Variants in DENND1B observed in about 807,000 individuals in gnomAD.
The protein encoded by DENND1B is DENN domain-containing protein 1B.
A neutral mutation model predicts 90.1 loss-of-function variants in DENND1B; 59 were observed. The ratio of observed to expected loss-of-function variants is 0.65; its 90% confidence interval spans 0.53 to 0.81. The LOEUF (loss-of-function observed/expected upper bound fraction) is 0.81. Ranked by LOEUF, DENND1B falls within the 40% of genes least tolerant of loss-of-function variation. DENND1B has a pLI of 0.00. For missense variants in DENND1B, 862 were observed against 912.6 expected, an observed-to-expected ratio of 0.94 and a Z score of 0.71; for synonymous variants, 337 against 324.6, an observed-to-expected ratio of 1.04 and a Z score of -0.41.
chr1:197,721,683 T>C (rs1008231727), intron 2 of DENND1B, among the ~76,000 whole-genome samples: 2 of 152,028 alleles, frequency 1.3e-5, no homozygotes. Flanking sequence ...AATTTATATT[T>C]TCCTTTATTA....
At chr1:197,572,972 G>A (rs1174141396) in intron 15 of DENND1B, among the ~76,000 whole-genome samples, 2 of 152,160 alleles carry the variant, frequency 1.3e-5, no homozygotes, top group Non-Finnish European at 2.9e-5. Context: ...ATTTCTGTGG[G>A]ATCGGTGGTG....
At chr1:197,552,517 T>C (rs1191484903) in intron 16 of DENND1B, 32 of 985,404 alleles carry the variant, frequency 3.2e-5, no homozygotes, top group Non-Finnish European at 3.7e-5. Flanking sequence ...CTGGAAACTT[T>C]CTTAATGCTG....
rs1429830003 is a variant in DENND1B, at chr1:197,642,742, C to T, written c.641G>A (p.Arg214His). The T allele has an allele frequency of 5.6e-6, 9 of 1,613,266 alleles. No individual in the cohort carries two copies. The highest frequency in any genetic ancestry group is 1.7e-5 in the Admixed American group (1 of 59,948). Residue 214 changes from arginine (R) to histidine (H), a missense_variant, in exon 10 of 23, where the codon CGC (arginine) becomes CAC (histidine). By Grantham distance (29) the Arg-to-His change is conservative (BLOSUM62 0). Transcript: ENST00000620048. ...QLYASMLHER[R>H]IVIISSKLST... ...TAATTTGCTCGAGATAATCACGATG[C>T]GCCTTTCATGCAGCATACTGGCATA...
At chr1:197,776,951 T>C (rs1303131273), upstream of DENND1B, among the ~76,000 whole-genome samples, 1 of 152,192 alleles carries the variant, frequency 6.6e-6, no homozygotes, top group Admixed American at 6.5e-5. Context: ...AGTGTGATGT[T>C]CAAGTAAAAC....
rs1667728014 is a variant in DENND1B at position 197,506,256 on chromosome 1, T to C, written c.*4204A>G. On this transcript the variant is annotated 3_prime_UTR_variant, in exon 23 of 23. Coordinates refer to ENST00000620048, the MANE Select transcript of DENND1B (RefSeq NM_001195215.2). Reference sequence around the variant, plus strand: ...CTGTCTAAATGTATATAATTCCTTATTTCTTCATCAAATCACGTTAACTGA... The same window carrying C: ...CTGTCTAAATGTATATAATTCCTTACTTCTTCATCAAATCACGTTAACTGA... 6.6e-6 allele frequency: 1 copy of C among 151,600 alleles called. No homozygotes were observed. The highest frequency in any genetic ancestry group is 2.4e-5 in the African/African-American group (1 of 41,388). The allele number at this position is 151,600 out of a possible 1,614,324, so 9.4% of individuals were successfully genotyped here.
intron 15 of DENND1B, among the ~76,000 whole-genome samples, chr1:197,576,624 T>C (rs1673710637): frequency 6.6e-6 from 1 of 152,200 alleles, no homozygotes; most frequent in African/African-American, 2.4e-5. Context: ...GTATAAATGT[T>C]TTGGAAAAAT....
intron 15 of DENND1B, among the ~76,000 whole-genome samples, chr1:197,566,846 A>G (rs1558249409): frequency 6.6e-6 from 1 of 152,078 alleles, no homozygotes; most frequent in African/African-American, 2.4e-5. Flanking sequence ...GGTCTTAAAG[A>G]AAGAATAGAC....
intron 20 of DENND1B, among the ~76,000 whole-genome samples, chr1:197,538,644 T>G (rs558257595): frequency 1.3e-5 from 2 of 150,334 alleles, no homozygotes; most frequent in African/African-American, 4.9e-5. Flanking sequence ...GATGAATGAC[T>G]GAATTAATGG....
At chr1:197,585,813 C>T (rs72742683) in intron 14 of DENND1B, among the ~76,000 whole-genome samples, 5,602 of 152,198 alleles carry the variant, frequency 0.037, 202 homozygotes, top group Admixed American at 0.11. Flanking sequence ...TCACTGGAAG[C>T]CTCAATTACT....
rs113997174 is a variant in DENND1B at position 197,744,016 on chromosome 1, A to C, written c.82+28852T>G. ...CATCAAAGTTTTATCATAAGATAGCAGCAATTCAGTCACATATTAAGGATT... is the reference window on the plus strand; with the variant it reads ...CATCAAAGTTTTATCATAAGATAGCCGCAATTCAGTCACATATTAAGGATT... On this transcript the variant is annotated intron_variant, in intron 2 of 22. Coordinates refer to ENST00000620048, the MANE Select transcript of DENND1B (RefSeq NM_001195215.2). Among the ~76,000 whole-genome samples, 1,378 of 152,322 alleles carry C rather than the reference A, an allele frequency of 9.0e-3. 19 individuals carry two copies. The highest frequency in any genetic ancestry group is 0.031 in the African/African-American group (1,273 of 41,570).
intron 5 of DENND1B, among the ~76,000 whole-genome samples, chr1:197,670,073 G>A (rs1313451211): frequency 6.6e-6 from 1 of 150,436 alleles, no homozygotes; most frequent in Admixed American, 6.7e-5. Context: ...TTGGGTTGTC[G>A]ATATGGACAT....
At chr1:197,644,786 T>C (rs16841843) in intron 9 of DENND1B, among the ~76,000 whole-genome samples, 5,159 of 152,268 alleles carry the variant, frequency 0.034, 303 homozygotes, top group African/African-American at 0.11. Flanking sequence ...CTTCACTACC[T>C]ACATGCTTTT....
At chr1:197,560,524 A>T (rs994917523) in intron 15 of DENND1B, among the ~76,000 whole-genome samples, 5 of 151,850 alleles carry the variant, frequency 3.3e-5, no homozygotes, top group Non-Finnish European at 7.4e-5. Context: ...TCTCATGAAG[A>T]CAGCATTTAA....
At chr1:197,757,727 T>C (rs543859201) in intron 2 of DENND1B, among the ~76,000 whole-genome samples, 2 of 152,320 alleles carry the variant, frequency 1.3e-5, no homozygotes, top group East Asian at 1.9e-4. Context: ...AAGAAAGTTA[T>C]ACAGGAATTC....
intron 3 of DENND1B, chr1:197,689,842 T>C (rs895615681): frequency 6.5e-6 from 1 of 152,680 alleles, no homozygotes; most frequent in African/African-American, 2.4e-5. Context: ...CTGCCATCAA[T>C]GTTAGAATGG....
chr1:197,730,893 C>T (rs1662086205), intron 2 of DENND1B, among the ~76,000 whole-genome samples: 1 of 151,962 alleles, frequency 6.6e-6, no homozygotes, highest in South Asian at 2.1e-4. Flanking sequence ...TATTATTTGA[C>T]ATTTTTGAGA....
intron 3 of DENND1B, among the ~76,000 whole-genome samples, chr1:197,691,060 A>T (rs1008905057): frequency 6.6e-6 from 1 of 152,034 alleles, no homozygotes; most frequent in African/African-American, 2.4e-5. Context: ...TATGATACGG[A>T]TGTTTATAAA....
chr1:197,695,124 G>C (rs1658298721), intron 3 of DENND1B, among the ~76,000 whole-genome samples: 1 of 151,084 alleles, frequency 6.6e-6, no homozygotes, highest in South Asian at 2.1e-4. Context: ...ATTATGTTTT[G>C]CCTTGAGCTT....
chr1:197,748,205 A>G (rs1288177326), intron 2 of DENND1B, among the ~76,000 whole-genome samples: 1 of 149,164 alleles, frequency 6.7e-6, no homozygotes, highest in Non-Finnish European at 1.5e-5. Context: ...TATGATATCC[A>G]AAATATTCAG....
Sources: allele counts gnomAD v4.1 joint callset (sites outside exome capture counted in the v4.1 genomes callset), GRCh38; gene constraint gnomAD v4.1.1; transcripts MANE v1.5; gene names NCBI Gene and HGNC (gene_info 2026-07-23, HGNC 2026-07-21).